ACBD3: variants seen among roughly 807,000 people sequenced by gnomAD.
ACBD3 encodes the protein acyl-CoA binding domain containing 3, also known as Golgi resident protein GCP60.
In ACBD3, 30 loss-of-function variants were observed where a neutral mutation model predicts 66.9. The ratio of observed to expected loss-of-function variants is 0.45; its 90% CI spans 0.34 to 0.61. The LOEUF (loss-of-function observed/expected upper bound fraction) is 0.61, where lower values mean the gene tolerates loss of function less well. ACBD3 is among the 20% of genes least tolerant of loss of function. The probability of loss-of-function intolerance (pLI) is 0.02; values close to 1 mark genes in which losing one functional copy is unlikely to be tolerated. For missense variants in ACBD3, 544 were observed against 664.5 expected (o/e 0.82, Z 1.99); for synonymous variants, 278 against 259.8 (o/e 1.07, Z -0.68).
rs753127010 is a variant in ACBD3, at chr1:226,161,481, A to T, written c.728+50T>A. The T allele has an allele frequency of 1.4e-4, 231 of 1,601,624 alleles. 1 individual carries two copies. Among genetic ancestry groups the T allele is most frequent in the Non-Finnish European group, 1.9e-4 (221 of 1,176,558 alleles). On this transcript the variant is annotated intron_variant, in intron 4 of 7. Coordinates refer to ENST00000366812, the MANE Select transcript of ACBD3 (RefSeq NM_022735.4). ...CCCGCTCATTTCTTATTTTTATTCT[A>T]TTTTTTTTCCATTTCTCATTTTAAA... is the stretch of plus-strand genomic sequence containing the variant.
At chr1:226,151,303 C>T (rs1020504276) in intron 7 of ACBD3, among the ~76,000 whole-genome samples, 2 of 152,216 alleles carry the variant, frequency 1.3e-5, no homozygotes, top group African/African-American at 4.8e-5. Context: ...TCCATTCTCA[C>T]AGGGCATGCA....
intron 4 of ACBD3, among the ~76,000 whole-genome samples, chr1:226,160,262 T>C (rs1309983138): frequency 2.0e-5 from 3 of 152,008 alleles, no homozygotes; most frequent in African/African-American, 7.2e-5. Flanking sequence ...TGGCTAATCT[T>C]TATATTTTTA....
chr1:226,151,074 C>A (rs373839365), intron 7 of ACBD3, among the ~76,000 whole-genome samples: 32 of 152,320 alleles, frequency 2.1e-4, no homozygotes, highest in Non-Finnish European at 3.5e-4. Flanking sequence ...CCAGAGGCCC[C>A]AGGGTGTTGC....
chr1:226,152,478 T>G lies in ACBD3; in HGVS notation c.1232A>C (p.Glu411Ala). ...EVVTVRVPTH[E>A]EGSYLFWEFA... ...TTCCCAAAAGAGATATGATCCTTCT[T>G]CATGGGTGGGTACTCGAACAGTGAC... The change falls in exon 7 of 8, where the codon GAA becomes GCA. Residue 411 changes from glutamate to alanine, a missense_variant. Glu to Ala is a moderately radical substitution (Grantham distance 107). Transcript: ENST00000366812. 1.2e-6 allele frequency: 2 copies of G among 1,614,182 alleles called. No homozygotes were observed. The highest frequency in any genetic ancestry group is 1.7e-6 in the Non-Finnish European group (2 of 1,180,032).
At chr1:226,170,756 G>T (rs986150721) in intron 1 of ACBD3, among the ~76,000 whole-genome samples, 1 of 151,996 alleles carries the variant, frequency 6.6e-6, no homozygotes, top group African/African-American at 2.4e-5. Context: ...ACTAATGGAG[G>T]GAGGGTTCAT....
chr1:226,174,051 C>T (rs560772530), intron 1 of ACBD3, among the ~76,000 whole-genome samples: 2 of 152,102 alleles, frequency 1.3e-5, no homozygotes, highest in South Asian at 2.1e-4. Flanking sequence ...GTGTGAGCCA[C>T]CGCACCCAAC....
At position 226,151,667 on chromosome 1, in the gene ACBD3, T is replaced by G. The variant is rs554273652; in HGVS notation, c.1375+668A>C. Among the ~76,000 whole-genome samples, 3 of 152,334 alleles carry G rather than the reference T, an allele frequency of 2.0e-5. No individual in the cohort carries two copies. The South Asian group carries it at 6.2e-4, about 32-fold the overall frequency. ...AATGCTAATATCAACAATATAAATTTAAATAAATGCCAGGGTTGACAGGAA... is the reference window on the plus strand; with the variant it reads ...AATGCTAATATCAACAATATAAATTGAAATAAATGCCAGGGTTGACAGGAA... On this transcript the variant is annotated intron_variant, in intron 7 of 7. Coordinates refer to ENST00000366812, the MANE Select transcript of ACBD3 (RefSeq NM_022735.4).
chr1:226,160,763 T>G (rs1445519872), intron 4 of ACBD3, among the ~76,000 whole-genome samples: 1 of 152,206 alleles, frequency 6.6e-6, no homozygotes. Context: ...AGCTCCCTCT[T>G]GAAGAACCTG....
chr1:226,153,818 G>A (rs941477357), intron 6 of ACBD3, among the ~76,000 whole-genome samples: 1 of 152,046 alleles, frequency 6.6e-6, no homozygotes, highest in African/African-American at 2.4e-5. Context: ...CTCACCTCTG[G>A]GTCTTCATGC....
At chr1:226,162,698 T>C (rs536761985) in intron 3 of ACBD3, among the ~76,000 whole-genome samples, 23 of 151,898 alleles carry the variant, frequency 1.5e-4, no homozygotes, top group Middle Eastern at 3.4e-3. Context: ...ACCACGAGAA[T>C]TGTCTGGGCT....
intron 4 of ACBD3, among the ~76,000 whole-genome samples, chr1:226,160,999 T>C (rs1012997348): frequency 6.6e-5 from 10 of 152,146 alleles, no homozygotes; most frequent in South Asian, 2.1e-4. Flanking sequence ...AAGCAGACAG[T>C]TGACAATTTG....
Position 226,186,339 on chromosome 1 carries a change from G to A in ACBD3, c.286+51C>T, listed in dbSNP as rs562368558. On this transcript the variant is annotated intron_variant, in intron 1 of 7. Transcript: ENST00000366812. Reference sequence around the variant, plus strand: ...CACCCTGGGGACCACAGCCCACGCCGGGCTCCCGGGGCCGGGCAGAAGCGG... The same window carrying A: ...CACCCTGGGGACCACAGCCCACGCCAGGCTCCCGGGGCCGGGCAGAAGCGG... 7.1e-5 allele frequency: 104 copies of A among 1,466,158 alleles called. 1 individual carries two copies. In the African/African-American group the frequency reaches 1.4e-3, roughly 19 times the overall value. 90.8% of individuals were successfully genotyped at this position (1,466,158 alleles called of 1,614,324 possible).
intron 4 of ACBD3, among the ~76,000 whole-genome samples, chr1:226,161,190 G>A (rs1254200104): frequency 1.5e-5 from 2 of 134,872 alleles, no homozygotes; most frequent in African/African-American, 2.9e-5. Flanking sequence ...CCAGGCTGGA[G>A]TGCAATGGCG....
chr1:226,182,757 C>G (rs752832968), intron 1 of ACBD3, among the ~76,000 whole-genome samples: 1 of 152,200 alleles, frequency 6.6e-6, no homozygotes, highest in African/African-American at 2.4e-5. Flanking sequence ...TGGCTCTTGG[C>G]CTTCCCCCCT....
Position 226,169,662 on chromosome 1 carries a change from G to A in ACBD3, c.287-3662C>T, listed in dbSNP as rs549556092. 2.7e-4 allele frequency among the ~76,000 whole-genome samples: 40 copies of A among 147,214 alleles called. No individual in the cohort carries two copies. The South Asian group carries it at 7.6e-3, about 28-fold the overall frequency. ...CCTGACCTCGTGATCGGCCTGCCTCGGCCTCCCAAAGTGCTAGCATTACAG... is the reference window on the plus strand; with the variant it reads ...CCTGACCTCGTGATCGGCCTGCCTCAGCCTCCCAAAGTGCTAGCATTACAG... On this transcript the variant is annotated intron_variant, in intron 1 of 7. Coordinates refer to ENST00000366812, the MANE Select transcript of ACBD3 (RefSeq NM_022735.4).
At chr1:226,165,281 C>T (rs752375527) in intron 2 of ACBD3, among the ~76,000 whole-genome samples, 6 of 152,070 alleles carry the variant, frequency 3.9e-5, no homozygotes, top group Non-Finnish European at 5.9e-5. Context: ...AGCGATTCTC[C>T]TGCTTCAGCC....
At chr1:226,159,159 T>A in intron 5 of ACBD3, 25 bp downstream of exon 5, 7 of 1,609,748 alleles carry the variant, frequency 4.3e-6, no homozygotes, top group Non-Finnish European at 5.9e-6. Context: ...TCTCTAAGGC[T>A]GAATTCTAGG....
At chr1:226,159,999 T>C (rs1435449221) in intron 4 of ACBD3, among the ~76,000 whole-genome samples, 1 of 152,194 alleles carries the variant, frequency 6.6e-6, no homozygotes, top group East Asian at 1.9e-4. Flanking sequence ...AGCATTTAAT[T>C]TAAAGCCTGT....
At position 226,157,888 on chromosome 1, in the gene ACBD3, C is replaced by T. The variant is rs1447576892; in HGVS notation, c.903+1296G>A. 5.3e-5 allele frequency among the ~76,000 whole-genome samples: 8 copies of T among 152,286 alleles called. No individual in the cohort carries two copies. In the East Asian group the frequency reaches 1.5e-3, roughly 29 times the overall value. The stretch of plus-strand genomic sequence containing the variant: ...TTGTTTCAAAGATTTGCGGTTTTGT[C>T]CTATTTGACTTTCTTCTCATTAAAT... On this transcript the variant is annotated intron_variant, in intron 5 of 7. Coordinates refer to ENST00000366812, the MANE Select transcript of ACBD3 (RefSeq NM_022735.4).
Sources: allele counts gnomAD v4.1 joint callset (sites outside exome capture counted in the v4.1 genomes callset), GRCh38; gene constraint gnomAD v4.1.1; transcripts MANE v1.5; gene names NCBI Gene and HGNC (gene_info 2026-07-23, HGNC 2026-07-21).